PIK3CB: variants seen among roughly 807,000 people sequenced by gnomAD.
PIK3CB encodes the protein phosphatidylinositol 4,5-bisphosphate 3-kinase catalytic subunit beta isoform.
Under a neutral mutation model 136.8 loss-of-function variants are expected in PIK3CB, and 39 were observed. The ratio of observed to expected loss-of-function variants is 0.29; its 90% CI spans 0.22 to 0.37. The LOEUF (loss-of-function observed/expected upper bound fraction) is 0.37. Ranked by LOEUF, PIK3CB falls within the 10% of genes least tolerant of loss-of-function variation. The pLI, the probability that PIK3CB is intolerant of heterozygous loss-of-function variation, is 1.00. For missense variants in PIK3CB, 868 were observed against 1,275.4 expected, an observed-to-expected ratio of 0.68 and a Z score of 4.87; for synonymous variants, 428 against 436.6, an observed-to-expected ratio of 0.98 and a Z score of 0.25.
chr3:138,736,603 A>G (rs751244529), intron 6 of PIK3CB, among the ~76,000 whole-genome samples: 5 of 152,216 alleles, frequency 3.3e-5, no homozygotes, highest in Non-Finnish European at 4.4e-5. Flanking sequence ...AAAGCCAAGG[A>G]CCTAGTCTTT....
At chr3:138,748,156 T>TACAC (rs3071146) in intron 4 of PIK3CB, among the ~76,000 whole-genome samples, 21,337 of 142,792 alleles carry the variant, frequency 0.15, 1,878 homozygotes, top group South Asian at 0.21. Flanking sequence ...TTAGAAATCA[T>TACAC]ACACACACAC....
intron 2 of PIK3CB, among the ~76,000 whole-genome samples, chr3:138,789,266 T>C (rs1003163512): frequency 6.6e-6 from 1 of 152,136 alleles, no homozygotes; most frequent in Admixed American, 6.5e-5. Flanking sequence ...AAGACTAGCC[T>C]GGGCAACGTG....
intron 11 of PIK3CB, among the ~76,000 whole-genome samples, chr3:138,706,441 GC>G (rs2044379528): frequency 6.6e-6 from 1 of 152,124 alleles, no homozygotes; most frequent in African/African-American, 2.4e-5. Flanking sequence ...ATTAGGAAGC[GC>G]CACTAACAGA....
chr3:138,710,443 T>C (rs1033012162), intron 10 of PIK3CB, among the ~76,000 whole-genome samples: 2 of 152,076 alleles, frequency 1.3e-5, no homozygotes, highest in Admixed American at 6.6e-5. Context: ...ATTAAAAAAT[T>C]CAAATTCAAA....
chr3:138,803,320 T>G (rs938674342), intron 1 of PIK3CB, among the ~76,000 whole-genome samples: 2 of 152,250 alleles, frequency 1.3e-5, no homozygotes. Context: ...GAAACTTATG[T>G]ATATTTTAAA....
At chr3:138,686,264 C>T (rs1308024316) in intron 16 of PIK3CB, among the ~76,000 whole-genome samples, 1 of 151,916 alleles carries the variant, frequency 6.6e-6, no homozygotes, top group Non-Finnish European at 1.5e-5. Flanking sequence ...TATGGTGAAA[C>T]CTCCTCTCTA....
At chr3:138,687,092 G>A (rs1227973451) in intron 16 of PIK3CB, among the ~76,000 whole-genome samples, 3 of 152,080 alleles carry the variant, frequency 2.0e-5, no homozygotes, top group Non-Finnish European at 4.4e-5. Context: ...CACACTTCCT[G>A]GAACAGTGTC....
At chr3:138,722,207 T>C (rs1241860962) in intron 8 of PIK3CB, among the ~76,000 whole-genome samples, 1 of 114,674 alleles carries the variant, frequency 8.7e-6, no homozygotes, top group Non-Finnish European at 1.8e-5. Context: ...CTGTATTGTA[T>C]GTGCTATGTA....
At chr3:138,750,289 T>C (rs2045444338) in intron 4 of PIK3CB, among the ~76,000 whole-genome samples, 1 of 152,130 alleles carries the variant, frequency 6.6e-6, no homozygotes, top group African/African-American at 2.4e-5. Flanking sequence ...CATTTAAAAA[T>C]TCTCTCATAA....
intron 1 of PIK3CB, among the ~76,000 whole-genome samples, chr3:138,824,593 G>A (rs939619041): frequency 6.6e-6 from 1 of 151,960 alleles, no homozygotes; most frequent in African/African-American, 2.4e-5. Context: ...GCTGGAGTTT[G>A]AGACCAGGAG....
chr3:138,663,826 G>C, intron 21 of PIK3CB, 80 bp downstream of exon 21: 1 of 1,388,580 alleles, frequency 7.2e-7, no homozygotes, highest in African/African-American at 1.5e-5. Context: ...AAAGAATCTG[G>C]CTGAGTTGCA....
At position 138,815,178 on chromosome 3, in the gene PIK3CB, CATATAT is replaced by C. The variant is rs1192702391; in HGVS notation, c.-121-18617_-121-18612del. On this transcript the variant is annotated intron_variant, in intron 1 of 23. Transcript: ENST00000674063. ...AAAAAAAAAAATATATATATATATA[CATATAT>C]ATATATACAAAAAAATACAAAAATT... Among the ~76,000 whole-genome samples the C allele has an allele frequency of 6.7e-5, 4 of 59,980 alleles. No homozygotes were observed. The East Asian group carries it at 1.3e-3, about 19-fold the overall frequency. The allele number at this position is 59,980 out of a possible 152,430, so 39.3% of individuals were successfully genotyped here. A position where few individuals can be genotyped will look rare whatever the true frequency, so the allele number is the denominator to read the frequency against.
At chr3:138,798,542 A>G (rs6776585) in intron 1 of PIK3CB, among the ~76,000 whole-genome samples, 76,464 of 152,066 alleles carry the variant, frequency 0.5, 21,510 homozygotes, top group African/African-American at 0.72. Context: ...ATAGTTTCCT[A>G]GGTGGGGTGG....
chr3:138,812,544 T>C (rs1183329544), intron 1 of PIK3CB, among the ~76,000 whole-genome samples: 2 of 150,898 alleles, frequency 1.3e-5, no homozygotes, highest in East Asian at 3.9e-4. Flanking sequence ...TTTTTTTTTT[T>C]TGAGACGAAG....
chr3:138,732,420 C>T (rs2045001869), intron 8 of PIK3CB, among the ~76,000 whole-genome samples: 1 of 152,150 alleles, frequency 6.6e-6, no homozygotes, highest in African/African-American at 2.4e-5. Flanking sequence ...AAAAGCAAGA[C>T]ATTGGTAATT....
chr3:138,722,350 T>C (rs1172779963), intron 8 of PIK3CB, among the ~76,000 whole-genome samples: 1 of 152,106 alleles, frequency 6.6e-6, no homozygotes. Context: ...GCATCTGTTG[T>C]ATGGGAGGTT....
intron 1 of PIK3CB, chr3:138,825,050 G>T (rs758495005): frequency 1.3e-5 from 3 of 236,404 alleles, no homozygotes; most frequent in South Asian, 1.6e-4. Flanking sequence ...GACAGAGTGA[G>T]ACCCTGTCAA....
At chr3:138,707,088 T>G (rs911987995) in intron 11 of PIK3CB, 71 bp downstream of exon 11, 4 of 971,474 alleles carry the variant, frequency 4.1e-6, no homozygotes, top group Middle Eastern at 2.7e-4. Flanking sequence ...CAGATAGAGC[T>G]TAAACTATAC....
rs3729697 is a variant in PIK3CB, at chr3:138,756,062, G to A, written c.172-83C>T. 1,393 of 585,202 alleles carry A rather than the reference G, an allele frequency of 2.4e-3. 15 individuals are homozygous for A. The African/African-American group carries it at 0.024, about 10-fold the overall frequency. The allele number at this position is 585,202 out of a possible 1,614,324, so 36.3% of individuals were successfully genotyped here. A position where few individuals can be genotyped will look rare whatever the true frequency, so the allele number is the denominator to read the frequency against. On this transcript the variant is annotated intron_variant, in intron 3 of 23. Coordinates refer to ENST00000674063, the MANE Select transcript of PIK3CB (RefSeq NM_006219.3). The stretch of plus-strand genomic sequence containing the variant: ...ATATAAGGATGCTCACTGCAGCACT[G>A]TTTGTAAAAATAAAAAACTATGAAC...
Sources: gnomAD v4.1 joint callset for allele counts (sites outside exome capture counted in the v4.1 genomes callset) on GRCh38, gnomAD v4.1.1 for gene constraint, MANE v1.5 for transcripts, NCBI Gene and HGNC (gene_info 2026-07-23, HGNC 2026-07-21) for gene names.